Variants in MAP1B observed in about 807,000 individuals in gnomAD.
MAP1B encodes microtubule associated protein 1B.
MAP1B carries 12 observed loss-of-function variants against 176.1 expected under a neutral mutation model. That is an observed-to-expected ratio of 0.07 (90% CI 0.04 to 0.11). The LOEUF (loss-of-function observed/expected upper bound fraction) is 0.11, where lower values mean the gene tolerates loss of function less well. MAP1B is among the 10% of genes least tolerant of loss of function. The probability of loss-of-function intolerance (pLI) is 1.00; values close to 1 mark genes in which losing one functional copy is unlikely to be tolerated. For missense variants in MAP1B, 2,523 were observed against 2,990.5 expected (o/e 0.84, Z 3.65); for synonymous variants, 1,044 against 1,135.0 (o/e 0.92, Z 1.61).
At chr5:72,158,476 A>G (rs73123366) in intron 2 of MAP1B, among the ~76,000 whole-genome samples, 2,460 of 152,322 alleles carry the variant, frequency 0.016, 76 homozygotes, top group African/African-American at 0.055. Flanking sequence ...TGTTTGGGAA[A>G]ATGTGAATGG....
intron 2 of MAP1B, chr5:72,179,823 A>G (rs1201269220): frequency 1.0e-6 from 1 of 985,460 alleles, no homozygotes; most frequent in African/African-American, 1.7e-5. Context: ...ATTCCTCTCA[A>G]TATTTCCAAA....
intron 2 of MAP1B, among the ~76,000 whole-genome samples, chr5:72,178,287 G>T (rs1746691928): frequency 6.6e-6 from 1 of 152,224 alleles, no homozygotes; most frequent in African/African-American, 2.4e-5. Flanking sequence ...ACAGGCATGA[G>T]CCACCGTGCC....
At chr5:72,144,382 C>G (rs866124239) in intron 2 of MAP1B, among the ~76,000 whole-genome samples, 1 of 152,110 alleles carries the variant, frequency 6.6e-6, no homozygotes, top group Non-Finnish European at 1.5e-5. Flanking sequence ...CTCGCTCTAC[C>G]TTTTAATGTT....
intron 2 of MAP1B, among the ~76,000 whole-genome samples, chr5:72,148,526 T>C (rs192240023): frequency 8.9e-4 from 136 of 152,326 alleles, no homozygotes; most frequent in African/African-American, 3.0e-3. Context: ...GTTGCACTTA[T>C]GAATGTACAG....
chr5:72,115,676 C>CT (rs1561289205), intron 1 of MAP1B, 22 bp from the exon 2 acceptor site: 27 of 1,354,556 alleles, frequency 2.0e-5, no homozygotes, highest in Non-Finnish European at 2.8e-5. Context: ...AGTCTCTCAA[C>CT]TGTCTTTCTT....
intron 5 of MAP1B, among the ~76,000 whole-genome samples, chr5:72,201,392 T>C (rs969285578): frequency 6.6e-6 from 1 of 152,142 alleles, no homozygotes; most frequent in African/African-American, 2.4e-5. Context: ...AATAAATAAA[T>C]AAGCAAATGA....
Position 72,195,027 on chromosome 5 carries a change from C to T in MAP1B, c.1672C>T (p.Arg558Cys), listed in dbSNP as rs1312638932. The T allele has an allele frequency of 1.3e-5, 21 of 1,613,780 alleles. No individual in the cohort carries two copies. Among genetic ancestry groups the T allele is most frequent in the South Asian group, 3.3e-5 (3 of 91,056 alleles). ...AAKPLPSKSV[R>C]KESKEETPEV... ...AAAACCACTTCCTAGCAAATCCGTG[C>T]GCAAGGAGTCAAAAGAAGAAACCCC... The change falls in exon 5 of 7, where the codon CGC (arginine) becomes TGC (cysteine). Residue 558 changes from arginine (R) to cysteine (C), a missense_variant. Arg to Cys is a radical substitution (Grantham distance 180, BLOSUM62 -3). Coordinates refer to ENST00000296755, the MANE Select transcript of MAP1B (RefSeq NM_005909.5).
intron 2 of MAP1B, among the ~76,000 whole-genome samples, chr5:72,162,648 C>T (rs1008271655): frequency 2.0e-5 from 3 of 152,174 alleles, no homozygotes; most frequent in Non-Finnish European, 4.4e-5. Flanking sequence ...AATTCTGTCA[C>T]CTCGGTGGAG....
At chr5:72,147,470 A>C (rs908863389) in intron 2 of MAP1B, among the ~76,000 whole-genome samples, 1 of 152,104 alleles carries the variant, frequency 6.6e-6, no homozygotes, top group Non-Finnish European at 1.5e-5. Context: ...GTGATTAAAA[A>C]AAAAAAGAAA....
chr5:72,151,599 TTGC>T (rs1746142211), intron 2 of MAP1B, among the ~76,000 whole-genome samples: 1 of 152,248 alleles, frequency 6.6e-6, no homozygotes, highest in Non-Finnish European at 1.5e-5. Flanking sequence ...ACACCTCTGC[TTGC>T]TGCTTCTTCA....
chr5:72,125,567 T>C (rs1398626264), intron 2 of MAP1B, among the ~76,000 whole-genome samples: 2 of 152,188 alleles, frequency 1.3e-5, no homozygotes, highest in African/African-American at 4.8e-5. Flanking sequence ...TTGTTTACAA[T>C]TGAGTATGGA....
chr5:72,109,263 C>T (rs1381595396), intron 1 of MAP1B, among the ~76,000 whole-genome samples: 1 of 151,234 alleles, frequency 6.6e-6, no homozygotes, highest in East Asian at 1.9e-4. Context: ...AAAATGTGAG[C>T]AGAAAGTCAT....
At position 72,115,786 on chromosome 5, in the gene MAP1B, T is replaced by C; in HGVS notation, c.273T>C (p.Ser91=). The C allele has an allele frequency of 1.2e-6, 2 of 1,612,118 alleles. No homozygotes were observed. The highest frequency in any genetic ancestry group is 1.7e-6 in the Non-Finnish European group (2 of 1,178,190). ...LFVSRHSARF[S]PEVPGQKILH... ...TATCTCGACACTCTGCAAGATTCTCTCCTGAAGTCCCAGGTGAGGCTTCCG... is the reference window on the plus strand; with the variant it reads ...TATCTCGACACTCTGCAAGATTCTCCCCTGAAGTCCCAGGTGAGGCTTCCG... Residue 91 remains serine, a synonymous_variant, in exon 2 of 7, where the codon TCT becomes TCC. Coordinates refer to ENST00000296755, the MANE Select transcript of MAP1B (RefSeq NM_005909.5).
chr5:72,150,431 G>A (rs184728535), intron 2 of MAP1B, among the ~76,000 whole-genome samples: 500 of 152,344 alleles, frequency 3.3e-3, no homozygotes, highest in Admixed American at 5.8e-3. Flanking sequence ...ATTTGCCAGT[G>A]AGGGATAACT....
intron 4 of MAP1B, among the ~76,000 whole-genome samples, chr5:72,188,053 G>A (rs1478637281): frequency 6.6e-6 from 1 of 152,074 alleles, no homozygotes; most frequent in Non-Finnish European, 1.5e-5. Context: ...TTCTTCCAAG[G>A]CCGCTAGAGT....
intron 3 of MAP1B, among the ~76,000 whole-genome samples, chr5:72,184,505 A>G (rs1194226560): frequency 1.3e-5 from 2 of 152,222 alleles, no homozygotes; most frequent in African/African-American, 4.8e-5. Context: ...GCACATAATG[A>G]CTGAAATGTA....
At chr5:72,123,956 G>GTGTA (rs1745576720) in intron 2 of MAP1B, among the ~76,000 whole-genome samples, 1 of 152,306 alleles carries the variant, frequency 6.6e-6, no homozygotes, top group Admixed American at 6.5e-5. Context: ...TTTGCGAACT[G>GTGTA]TGTATATGTG....
At chr5:72,128,546 C>T (rs973380045) in intron 2 of MAP1B, among the ~76,000 whole-genome samples, 11 of 152,206 alleles carry the variant, frequency 7.2e-5, no homozygotes, top group African/African-American at 2.4e-4. Flanking sequence ...TTTGCACTGT[C>T]CTGATGTGCA....
chr5:72,119,302 C>T (rs939331057), intron 2 of MAP1B, among the ~76,000 whole-genome samples: 11 of 152,226 alleles, frequency 7.2e-5, no homozygotes, highest in Admixed American at 3.3e-4. Context: ...GATCACTCAA[C>T]AAACCTTTGC....
Sources: allele counts gnomAD v4.1 joint callset (sites outside exome capture counted in the v4.1 genomes callset), GRCh38; gene constraint gnomAD v4.1.1; transcripts MANE v1.5; gene names NCBI Gene and HGNC (gene_info 2026-07-23, HGNC 2026-07-21).